GNG2: variants seen among roughly 807,000 people sequenced by gnomAD.
GNG2 encodes the protein G protein subunit gamma 2.
In GNG2, 5 loss-of-function variants were observed where a neutral mutation model predicts 5.5. That is an observed-to-expected ratio of 0.91 (90% CI 0.48 to 1.92). The LOEUF is 1.92. Among genes scored for constraint, GNG2 ranks in the 30% most tolerant of loss-of-function variants. The pLI is 0.01. For synonymous variants in GNG2, 28 were observed against 32.0 expected, an observed-to-expected ratio of 0.88 and a Z score of 0.42; for missense variants, 55 against 88.4, an observed-to-expected ratio of 0.62 and a Z score of 1.52.
intron 2 of GNG2, among the ~76,000 whole-genome samples, chr14:51,907,062 A>C (rs1416871872): frequency 6.6e-6 from 1 of 151,992 alleles, no homozygotes; most frequent in Non-Finnish European, 1.5e-5. Context: ...GCCGCTGGAG[A>C]ATCTTTTACA....
At chr14:51,900,830 A>C (rs909953153) in intron 2 of GNG2, among the ~76,000 whole-genome samples, 1 of 152,174 alleles carries the variant, frequency 6.6e-6, no homozygotes, top group African/African-American at 2.4e-5. Flanking sequence ...GTCATGATTG[A>C]ATAAAAGTAA....
At chr14:51,843,589 A>AC (rs33994839) in intron 2 of GNG2, among the ~76,000 whole-genome samples, 1 of 5,276 alleles carries the variant, frequency 1.9e-4, no homozygotes, top group African/African-American at 2.0e-4. Context: ...AAAAAAAAAA[A>AC]AACTCAAATA....
At chr14:51,926,685 TCCGGTGTGGAA>T (rs1887346105) in intron 2 of GNG2, among the ~76,000 whole-genome samples, 1 of 152,202 alleles carries the variant, frequency 6.6e-6, no homozygotes, top group Non-Finnish European at 1.5e-5. Context: ...CTCTTCCTTT[TCCGGTGTGGAA>T]CCTGGGATTC....
At chr14:51,942,248 CA>C (rs975509661) in intron 2 of GNG2, among the ~76,000 whole-genome samples, 4 of 152,174 alleles carry the variant, frequency 2.6e-5, no homozygotes, top group African/African-American at 9.7e-5. Flanking sequence ...TTTCTTTGAG[CA>C]GATTTTTCAT....
At chr14:51,829,110 T>C (rs1251868126) in intron 2 of GNG2, among the ~76,000 whole-genome samples, 1 of 152,204 alleles carries the variant, frequency 6.6e-6, no homozygotes, top group Non-Finnish European at 1.5e-5. Flanking sequence ...AACACCTCAG[T>C]AAGGCAGCAA....
intron 2 of GNG2, among the ~76,000 whole-genome samples, chr14:51,832,269 A>G (rs1881217747): frequency 7.6e-6 from 1 of 131,538 alleles, no homozygotes; most frequent in African/African-American, 2.8e-5. Flanking sequence ...CAACAGTGAG[A>G]CCCTGTTACA....
At chr14:51,911,552 T>C (rs1301790914) in intron 2 of GNG2, among the ~76,000 whole-genome samples, 2 of 152,066 alleles carry the variant, frequency 1.3e-5, no homozygotes, top group African/African-American at 4.8e-5. Context: ...TAGCTTTTTT[T>C]TTTTTTTAAG....
chr14:51,964,614 C>T (rs894181359), intron 3 of GNG2, among the ~76,000 whole-genome samples: 12 of 152,254 alleles, frequency 7.9e-5, no homozygotes, highest in Admixed American at 2.0e-4. Context: ...TCTATCTGTT[C>T]TGTGGCAAAG....
At chr14:51,841,203 C>T (rs537621854) in intron 2 of GNG2, among the ~76,000 whole-genome samples, 1 of 152,154 alleles carries the variant, frequency 6.6e-6, no homozygotes, top group African/African-American at 2.4e-5. Flanking sequence ...ACAAGGATAG[C>T]ACCACAGGAG....
At chr14:51,886,992 T>C (rs1036983835) in intron 2 of GNG2, among the ~76,000 whole-genome samples, 4 of 152,220 alleles carry the variant, frequency 2.6e-5, no homozygotes, top group African/African-American at 9.6e-5. Flanking sequence ...AAAGCGTAGA[T>C]AACTTACAAA....
chr14:51,877,776 C>CT, intron 2 of GNG2, 119 bp downstream of exon 2: 1 of 318,794 alleles, frequency 3.1e-6, no homozygotes, highest in Non-Finnish European at 6.3e-6. Flanking sequence ...AAGAAACAGT[C>CT]ATAGAGTCCT....
intron 2 of GNG2, among the ~76,000 whole-genome samples, chr14:51,946,674 C>T (rs1457885375): frequency 6.6e-6 from 1 of 152,160 alleles, no homozygotes; most frequent in Non-Finnish European, 1.5e-5. Flanking sequence ...GCCCTACTCC[C>T]TCACCAGTTG....
At chr14:51,936,515 C>CTT (rs35156219) in intron 2 of GNG2, among the ~76,000 whole-genome samples, 2,471 of 140,752 alleles carry the variant, frequency 0.018, 84 homozygotes, top group African/African-American at 0.059. Context: ...GGCACACTAA[C>CTT]TTTTTTTTTT....
chr14:51,908,254 G>A (rs1292146649), intron 2 of GNG2, among the ~76,000 whole-genome samples: 2 of 152,160 alleles, frequency 1.3e-5, no homozygotes, highest in Non-Finnish European at 1.5e-5. Flanking sequence ...CAGAGCAAGC[G>A]ATCCAAGAAA....
intron 1 of GNG2, among the ~76,000 whole-genome samples, chr14:51,861,702 A>G (rs908114396): frequency 3.3e-5 from 5 of 152,200 alleles, no homozygotes; most frequent in Non-Finnish European, 2.9e-5. Context: ...GTTCATATTT[A>G]TGAATGATAT....
At chr14:51,867,969 C>T (rs1883025177) in intron 1 of GNG2, among the ~76,000 whole-genome samples, 1 of 152,096 alleles carries the variant, frequency 6.6e-6, no homozygotes, top group Non-Finnish European at 1.5e-5. Context: ...CTTTGTCTTC[C>T]TTATACCACA....
At chr14:51,953,389 G>T (rs1008942372) in intron 3 of GNG2, among the ~76,000 whole-genome samples, 1 of 152,090 alleles carries the variant, frequency 6.6e-6, no homozygotes, top group African/African-American at 2.4e-5. Context: ...TATTATTGAC[G>T]CAAACAAGAT....
At chr14:51,840,462 C>T (rs770015602) in intron 2 of GNG2, among the ~76,000 whole-genome samples, 2 of 152,150 alleles carry the variant, frequency 1.3e-5, no homozygotes, top group Non-Finnish European at 2.9e-5. Context: ...GGATGCAGTC[C>T]CCAAAGTTGC....
intron 2 of GNG2, among the ~76,000 whole-genome samples, chr14:51,931,721 T>C (rs944028980): frequency 1.3e-5 from 2 of 152,086 alleles, no homozygotes; most frequent in Non-Finnish European, 2.9e-5. Context: ...TGTAGATAAA[T>C]TGGAACTGCT....
Sources: gnomAD v4.1 joint callset for allele counts (sites outside exome capture counted in the v4.1 genomes callset) on GRCh38, gnomAD v4.1.1 for gene constraint, MANE v1.5 for transcripts, NCBI Gene and HGNC (gene_info 2026-07-23, HGNC 2026-07-21) for gene names.